The following ZFPM2 variants were observed in gnomAD, a reference collection of about 807,000 sequenced individuals.
The protein encoded by ZFPM2 is zinc finger protein ZFPM2.
A neutral mutation model predicts 98.6 loss-of-function variants in ZFPM2; 20 were observed. The ratio of observed to expected loss-of-function variants is 0.20; its 90% CI spans 0.14 to 0.29. The LOEUF (loss-of-function observed/expected upper bound fraction) is 0.29. ZFPM2 is among the 10% of genes least tolerant of loss of function. The pLI, the probability that ZFPM2 is intolerant of heterozygous loss-of-function variation, is 1.00. For missense variants in ZFPM2, 1,310 were observed against 1,388.6 expected (o/e 0.94, Z 0.90); for synonymous variants, 518 against 502.7 (o/e 1.03, Z -0.41).
At chr8:105,435,131 C>T (rs1461751659) in intron 2 of ZFPM2, among the ~76,000 whole-genome samples, 2 of 152,182 alleles carry the variant, frequency 1.3e-5, no homozygotes, top group Non-Finnish European at 2.9e-5. Context: ...TGCTCAATAA[C>T]ACCTTCAATT....
At chr8:105,519,786 T>C (rs1347641854) in intron 3 of ZFPM2, among the ~76,000 whole-genome samples, 1 of 152,068 alleles carries the variant, frequency 6.6e-6, no homozygotes, top group Admixed American at 6.6e-5. Context: ...ACATTACTTT[T>C]GATGGCCTGG....
At chr8:105,467,856 C>T (rs565534603) in intron 3 of ZFPM2, among the ~76,000 whole-genome samples, 1 of 152,120 alleles carries the variant, frequency 6.6e-6, no homozygotes, top group African/African-American at 2.4e-5. Flanking sequence ...TAATTAAAAT[C>T]TGTATGCATA....
chr8:105,749,518 C>T (rs528005484), intron 5 of ZFPM2, among the ~76,000 whole-genome samples: 90 of 152,004 alleles, frequency 5.9e-4, no homozygotes, highest in Non-Finnish European at 1.1e-3. Flanking sequence ...TAGCCCCTTG[C>T]GTACTTTGCA....
intron 4 of ZFPM2, among the ~76,000 whole-genome samples, chr8:105,590,756 G>GCGCA (rs1023252592): frequency 7.0e-6 from 1 of 143,362 alleles, no homozygotes; most frequent in Non-Finnish European, 1.6e-5. Context: ...GTGCATACGT[G>GCGCA]CGCACGCACA....
chr8:105,385,504 T>C (rs1434056858), intron 1 of ZFPM2, among the ~76,000 whole-genome samples: 1 of 152,208 alleles, frequency 6.6e-6, no homozygotes, highest in Non-Finnish European at 1.5e-5. Flanking sequence ...CTGTGTTGTG[T>C]GTGCTCACTG....
At chr8:105,470,357 A>T (rs560926633) in intron 3 of ZFPM2, among the ~76,000 whole-genome samples, 7 of 152,308 alleles carry the variant, frequency 4.6e-5, no homozygotes, top group Non-Finnish European at 8.8e-5. Flanking sequence ...TTCATCAACA[A>T]AATGGACCAA....
chr8:105,566,834 A>G (rs1331533836), intron 4 of ZFPM2, among the ~76,000 whole-genome samples: 3 of 152,202 alleles, frequency 2.0e-5, no homozygotes, highest in African/African-American at 7.2e-5. Flanking sequence ...ATGAAATTTG[A>G]CAGAGAAATC....
intron 1 of ZFPM2, among the ~76,000 whole-genome samples, chr8:105,361,696 A>G (rs1812864817): frequency 6.6e-6 from 1 of 152,192 alleles, no homozygotes; most frequent in Non-Finnish European, 1.5e-5. Context: ...TTTTCAGAAT[A>G]ATGCTTTATG....
At chr8:105,680,124 A>C (rs548206509) in intron 5 of ZFPM2, among the ~76,000 whole-genome samples, 3 of 152,310 alleles carry the variant, frequency 2.0e-5, no homozygotes, top group African/African-American at 7.2e-5. Context: ...ATTTGTCAAG[A>C]AGCTACTTGT....
intron 3 of ZFPM2, among the ~76,000 whole-genome samples, chr8:105,549,561 T>TCCA (rs774434456): frequency 7.8e-6 from 1 of 128,722 alleles, no homozygotes; most frequent in Non-Finnish European, 1.7e-5. Context: ...CTTCCTTCCT[T>TCCA]TCTTCCTTCC....
chr8:105,375,128 T>C (rs1810697727), intron 1 of ZFPM2, among the ~76,000 whole-genome samples: 1 of 152,140 alleles, frequency 6.6e-6, no homozygotes, highest in Non-Finnish European at 1.5e-5. Flanking sequence ...AAATTTTTTT[T>C]CCCAGTCCAT....
chr8:105,472,635 T>C (rs985228984), intron 3 of ZFPM2, among the ~76,000 whole-genome samples: 1 of 152,098 alleles, frequency 6.6e-6, no homozygotes, highest in Non-Finnish European at 1.5e-5. Flanking sequence ...CCCGAGTATC[T>C]GGGACTACAG....
chr8:105,649,726 G>A (rs1399730686), intron 5 of ZFPM2, among the ~76,000 whole-genome samples: 1 of 152,128 alleles, frequency 6.6e-6, no homozygotes, highest in African/African-American at 2.4e-5. Context: ...TCCCAGGGAT[G>A]AAGCCCACTT....
At chr8:105,800,270 A>G (rs1813961521) in intron 7 of ZFPM2, among the ~76,000 whole-genome samples, 1 of 152,150 alleles carries the variant, frequency 6.6e-6, no homozygotes, top group Non-Finnish European at 1.5e-5. Flanking sequence ...TGATTTTACC[A>G]TATGCTGACC....
chr8:105,414,596 G>A (rs773848302), intron 1 of ZFPM2, among the ~76,000 whole-genome samples: 1 of 148,680 alleles, frequency 6.7e-6, no homozygotes, highest in East Asian at 2.0e-4. Flanking sequence ...ATATGTTTTC[G>A]CATCCCCCCC....
At chr8:105,660,803 T>G (rs1241225331) in intron 5 of ZFPM2, among the ~76,000 whole-genome samples, 1 of 152,182 alleles carries the variant, frequency 6.6e-6, no homozygotes, top group African/African-American at 2.4e-5. Context: ...CTTAATAAAC[T>G]CCTACTAATA....
intron 1 of ZFPM2, among the ~76,000 whole-genome samples, chr8:105,320,179 T>C (rs368947425): frequency 1.2e-4 from 19 of 152,004 alleles, no homozygotes; most frequent in African/African-American, 4.3e-4. Flanking sequence ...AGTTTAAAAA[T>C]AAATCTTATC....
At chr8:105,604,109 A>G (rs540804161) in intron 4 of ZFPM2, among the ~76,000 whole-genome samples, 2 of 152,130 alleles carry the variant, frequency 1.3e-5, no homozygotes, top group South Asian at 4.1e-4. Flanking sequence ...AGATTTGGAA[A>G]TCAGAACTCC....
At chr8:105,729,068 A>G (rs1811872673) in intron 5 of ZFPM2, among the ~76,000 whole-genome samples, 1 of 151,684 alleles carries the variant, frequency 6.6e-6, no homozygotes, top group Admixed American at 6.6e-5. Context: ...TTCTCCTGGA[A>G]TTTTTCAATT....
Sources: allele counts gnomAD v4.1 joint callset (sites outside exome capture counted in the v4.1 genomes callset), GRCh38; gene constraint gnomAD v4.1.1; transcripts MANE v1.5; gene names NCBI Gene and HGNC (gene_info 2026-07-23, HGNC 2026-07-21).